Variants in RIMBP2 observed in about 807,000 individuals in gnomAD.
The protein encoded by RIMBP2 is RIMS-binding protein 2.
In RIMBP2, 48 loss-of-function variants were observed where a neutral mutation model predicts 118.6. The observed-to-expected ratio is 0.40, with a 90% CI of 0.32 to 0.51. RIMBP2 has a LOEUF of 0.51. Ranked by LOEUF, RIMBP2 falls within the 20% of genes least tolerant of loss-of-function variation. RIMBP2 has a pLI of 0.41. For synonymous variants in RIMBP2, 762 were observed against 742.9 expected, an observed-to-expected ratio of 1.03 and a Z score of -0.42; for missense variants, 1,551 against 1,768.3, an observed-to-expected ratio of 0.88 and a Z score of 2.20.
intron 1 of RIMBP2, among the ~76,000 whole-genome samples, chr12:130,714,478 T>A (rs1043023512): frequency 7.2e-5 from 11 of 152,234 alleles, no homozygotes; most frequent in African/African-American, 2.6e-4. Context: ...GCCTCCTGCG[T>A]GGGGGGCGGC....
intron 1 of RIMBP2, among the ~76,000 whole-genome samples, chr12:130,653,329 C>T (rs1169264934): frequency 6.6e-6 from 1 of 152,236 alleles, no homozygotes; most frequent in African/African-American, 2.4e-5. Context: ...AAGGCCCATA[C>T]CACTCTGAAA....
At chr12:130,526,996 C>T (rs1046095033) in intron 2 of RIMBP2, among the ~76,000 whole-genome samples, 4 of 152,000 alleles carry the variant, frequency 2.6e-5, no homozygotes, top group East Asian at 1.9e-4. Context: ...GGGTGGAAGG[C>T]GAGTGGTTGC....
At chr12:130,489,807 T>G (rs2048454360) in intron 4 of RIMBP2, among the ~76,000 whole-genome samples, 1 of 152,216 alleles carries the variant, frequency 6.6e-6, no homozygotes, top group Admixed American at 6.5e-5. Flanking sequence ...AGGAAAAGGA[T>G]GAAGCCAACT....
intron 2 of RIMBP2, among the ~76,000 whole-genome samples, chr12:130,575,753 G>A (rs1030369312): frequency 6.6e-6 from 1 of 152,246 alleles, no homozygotes; most frequent in Non-Finnish European, 1.5e-5. Flanking sequence ...GTCAGCAGAG[G>A]CTGCTCAGAT....
intron 2 of RIMBP2, among the ~76,000 whole-genome samples, chr12:130,611,924 G>A (rs1275545672): frequency 5.3e-5 from 8 of 152,160 alleles, no homozygotes; most frequent in Admixed American, 5.2e-4. Flanking sequence ...AGAAAGTTGG[G>A]GAAAACCAAT....
At chr12:130,587,697 G>A (rs2058995301) in intron 2 of RIMBP2, among the ~76,000 whole-genome samples, 1 of 84,952 alleles carries the variant, frequency 1.2e-5, no homozygotes, top group South Asian at 7.1e-4. Context: ...GGGGAGGGGG[G>A]AGGGATAGCA....
intron 4 of RIMBP2, among the ~76,000 whole-genome samples, chr12:130,479,791 G>A (rs1313644168): frequency 3.3e-5 from 5 of 151,842 alleles, no homozygotes; most frequent in Admixed American, 1.3e-4. Context: ...AGAGGACAGA[G>A]CCGGGTTCCT....
intron 2 of RIMBP2, among the ~76,000 whole-genome samples, chr12:130,554,816 C>T (rs1259084187): frequency 6.6e-6 from 1 of 151,098 alleles, no homozygotes; most frequent in Non-Finnish European, 1.5e-5. Context: ...ACTTATGTGC[C>T]GTTCTACACA....
At chr12:130,584,243 TCACCATCACCTCACCACCATCAC>T (rs2058690604) in intron 2 of RIMBP2, among the ~76,000 whole-genome samples, 1 of 14,968 alleles carries the variant, frequency 6.7e-5, no homozygotes, top group African/African-American at 1.5e-4. Context: ...ACCACCACCA[TCACCATCACCTCACCACCATCAC>T]CACCATCACC....
intron 2 of RIMBP2, among the ~76,000 whole-genome samples, chr12:130,610,943 C>T (rs935727685): frequency 6.6e-6 from 1 of 152,230 alleles, no homozygotes; most frequent in Non-Finnish European, 1.5e-5. Context: ...GAGGCTGTTG[C>T]TGCCCAGCGA....
At chr12:130,500,945 G>T (rs1291596651) in intron 4 of RIMBP2, among the ~76,000 whole-genome samples, 2 of 152,106 alleles carry the variant, frequency 1.3e-5, no homozygotes, top group African/African-American at 4.8e-5. Context: ...GTTTCTTGAG[G>T]ATCAGCAGGG....
chr12:130,642,912 C>G (rs2062688618), intron 1 of RIMBP2, among the ~76,000 whole-genome samples: 1 of 152,176 alleles, frequency 6.6e-6, no homozygotes, highest in African/African-American at 2.4e-5. Flanking sequence ...GAGAGAGGGG[C>G]TAGAAGGAGG....
intron 3 of RIMBP2, among the ~76,000 whole-genome samples, chr12:130,513,888 A>T (rs1035182714): frequency 6.6e-6 from 1 of 152,236 alleles, no homozygotes; most frequent in Non-Finnish European, 1.5e-5. Flanking sequence ...GGAATTGCTG[A>T]TCCCCAAGTG....
chr12:130,508,773 AG>A (rs2050611726), intron 3 of RIMBP2, among the ~76,000 whole-genome samples: 1 of 152,206 alleles, frequency 6.6e-6, no homozygotes, highest in Non-Finnish European at 1.5e-5. Context: ...ATCAGCGCCC[AG>A]AGGACCGCCT....
intron 4 of RIMBP2, among the ~76,000 whole-genome samples, chr12:130,490,139 A>T (rs550477922): frequency 1.3e-5 from 2 of 151,756 alleles, no homozygotes; most frequent in African/African-American, 4.8e-5. Flanking sequence ...AAAAAAAAAA[A>T]AAAGATAAAA....
In RIMBP2 at chr12:130,456,575, C is replaced by T; in HGVS notation, c.279G>A (p.Val93=). The change falls in exon 7 of 23, where the codon GTG becomes GTA. Residue 93 remains valine (V), a synonymous_variant. Coordinates refer to ENST00000690449, the MANE Select transcript of RIMBP2 (RefSeq NM_001393629.1). ...GGGCCGTGGAGATGTCCAGGGGGGC[C>T]ACCGCGCTGCCACCCAGCAGGTCAA... is the stretch of plus-strand genomic sequence containing the variant. ...GKIDLLGGSA[V]APLDISTAPS... 1 of 1,613,448 alleles carries T rather than the reference C, an allele frequency of 6.2e-7. No individual in the cohort carries two copies. Among genetic ancestry groups the T allele is most frequent in the Admixed American group, 1.7e-5 (1 of 60,000 alleles).
At chr12:130,542,714 GACTCTAGATGC>G (rs2054725072) in intron 2 of RIMBP2, among the ~76,000 whole-genome samples, 1 of 152,178 alleles carries the variant, frequency 6.6e-6, no homozygotes, top group Admixed American at 6.5e-5. Context: ...GTGTCCTTGT[GACTCTAGATGC>G]AATCTGCCTT....
rs535066271 is a variant in RIMBP2, at chr12:130,656,582, G to A, written c.-351-28126C>T. Among the ~76,000 whole-genome samples, 315 of 152,182 alleles carry A rather than the reference G, an allele frequency of 2.1e-3. 1 individual carries two copies. The highest frequency in any genetic ancestry group is 3.4e-3 in the Non-Finnish European group (232 of 67,994). ...GAGGCTGTCAGGAGAATCTGCCCCG[G>A]GCTCCCCCTGACTCCTGGCAGCCTC... On this transcript the variant is annotated intron_variant, in intron 1 of 22. Transcript: ENST00000690449.
intron 1 of RIMBP2, among the ~76,000 whole-genome samples, chr12:130,634,291 A>G (rs913812691): frequency 2.6e-5 from 4 of 152,142 alleles, no homozygotes; most frequent in African/African-American, 9.7e-5. Context: ...ATGGAAATAG[A>G]GGAGACAGAA....
Sources: gnomAD v4.1 joint callset for allele counts (sites outside exome capture counted in the v4.1 genomes callset) on GRCh38, gnomAD v4.1.1 for gene constraint, MANE v1.5 for transcripts, NCBI Gene and HGNC (gene_info 2026-07-23, HGNC 2026-07-21) for gene names.